DDX1: variants seen among roughly 807,000 people sequenced by gnomAD.
The protein encoded by DDX1 is ATP-dependent RNA helicase DDX1.
Under a neutral mutation model 108.7 loss-of-function variants are expected in DDX1, and 28 were observed. The ratio of observed to expected loss-of-function variants is 0.26; its 90% confidence interval spans 0.19 to 0.35. DDX1 has a LOEUF of 0.35. Among genes scored for constraint, DDX1 ranks in the 10% least tolerant of loss-of-function variants. The pLI is 1.00. For missense variants in DDX1, 710 were observed against 884.5 expected (o/e 0.80, Z 2.50); for synonymous variants, 295 against 288.9 (o/e 1.02, Z -0.21).
rs1022258520 is a variant in DDX1 at position 15,630,981 on chromosome 2, C to T, written c.*75C>T. The T allele has an allele frequency of 1.3e-5, 18 of 1,429,406 alleles. No individual in the cohort carries two copies. The highest frequency in any genetic ancestry group is 1.6e-5 in the Non-Finnish European group (17 of 1,030,372). 88.5% of individuals were successfully genotyped at this position (1,429,406 alleles called of 1,614,324 possible). On this transcript the variant is annotated 3_prime_UTR_variant, in exon 26 of 26. Transcript: ENST00000233084. ...AAACTCTAAAACAGTTGTACTGCTT[C>T]CAAGCAGCAGTATTTATAGTAACGT...
At chr2:15,617,076 T>TG (rs1200258781) in intron 14 of DDX1, among the ~76,000 whole-genome samples, 168 bp from the exon 15 acceptor site, 2 of 151,362 alleles carry the variant, frequency 1.3e-5, no homozygotes, top group African/African-American at 2.4e-5. Flanking sequence ...AAGTATCAGT[T>TG]GAACATATGG....
chr2:15,630,748 A>G lies in DDX1; in HGVS notation c.2093-28A>G, dbSNP rs370131150. The G allele has an allele frequency of 1.4e-5, 22 of 1,596,732 alleles. No homozygotes were observed. The East Asian group carries it at 4.5e-4, about 33-fold the overall frequency. ...AAGTTATTTCAAGCATGTCATTTAC[A>G]TTACTTTGTTATTTGTGTGTGATGC... is the stretch of plus-strand genomic sequence containing the variant. On this transcript the variant is annotated intron_variant, in intron 25 of 25. Transcript: ENST00000233084.
At chr2:15,610,143 GCTGGTCTCGAACTC>G (rs1038521129) in intron 13 of DDX1, among the ~76,000 whole-genome samples, 1 of 152,150 alleles carries the variant, frequency 6.6e-6, no homozygotes, top group Admixed American at 6.5e-5. Context: ...TGTTGTGCAG[GCTGGTCTCGAACTC>G]CTGGCCTCAA....
chr2:15,626,963 G>A (rs942727652), intron 19 of DDX1, 91 bp from the exon 20 acceptor site: 5 of 704,572 alleles, frequency 7.1e-6, no homozygotes, highest in Non-Finnish European at 1.2e-5. Context: ...GAATTGTGTG[G>A]CACTATTGTA....
chr2:15,600,150 T>C (rs1352717534), intron 6 of DDX1, among the ~76,000 whole-genome samples: 1 of 152,172 alleles, frequency 6.6e-6, no homozygotes, highest in Admixed American at 6.5e-5. Flanking sequence ...AAATAGAAAA[T>C]GCAGAAATTA....
chr2:15,617,131 C>T, intron 14 of DDX1, 113 bp from the exon 15 acceptor site: 1 of 424,808 alleles, frequency 2.4e-6, no homozygotes, highest in Admixed American at 3.9e-5. Flanking sequence ...TTAGAGTTGA[C>T]TGACTACTTC....
At chr2:15,611,212 G>A (rs569900515) in intron 13 of DDX1, among the ~76,000 whole-genome samples, 1 of 150,694 alleles carries the variant, frequency 6.6e-6, no homozygotes, top group Non-Finnish European at 1.5e-5. Flanking sequence ...TAAGGTCACA[G>A]ATCAACAGGA....
Position 15,602,647 on chromosome 2 carries a change from C to T in DDX1, c.391+16C>T. The T allele has an allele frequency of 6.4e-7, 1 of 1,556,176 alleles. No homozygotes were observed. Among genetic ancestry groups the T allele is most frequent in the Non-Finnish European group, 8.9e-7 (1 of 1,127,542 alleles). On this transcript the variant is annotated intron_variant, in intron 7 of 25. Coordinates refer to ENST00000233084, the MANE Select transcript of DDX1 (RefSeq NM_004939.3). ...TTAATGAAAGGTATTTGAACAGCAT[C>T]TGCACTTGTATAAACTTTTGAGGCA... is the stretch of plus-strand genomic sequence containing the variant.
At chr2:15,603,580 G>A (rs939300832) in intron 8 of DDX1, among the ~76,000 whole-genome samples, 7 of 152,184 alleles carry the variant, frequency 4.6e-5, no homozygotes, top group Non-Finnish European at 1.5e-5. Flanking sequence ...ACTTGCATCT[G>A]AATTTCTTAG....
In DDX1 at chr2:15,603,890, G is replaced by T; in HGVS notation, c.552G>T (p.Glu184Asp). ...ACAAACAATTTGATAATTATGGAGA[G>T]GTAAGCGATTATGTTATGACTTCAA... ...SHNKQFDNYG[E>D]EFTMHDTIGC... The change falls in exon 9 of 26, where the codon GAG (glutamate) becomes GAT (aspartate). Residue 184 changes from glutamate (E) to aspartate (D), a missense_variant and splice_region_variant. Glu to Asp is a conservative substitution (Grantham distance 45). This residue lies in a region of DDX1 where 661 missense variants were observed against 810.2 expected (regional missense o/e 0.82). Transcript: ENST00000233084. The T allele has an allele frequency of 6.2e-7, 1 of 1,603,826 alleles. No homozygotes were observed. Among genetic ancestry groups the T allele is most frequent in the South Asian group, 1.1e-5 (1 of 89,384 alleles).
chr2:15,630,818 T>C lies in DDX1; in HGVS notation c.2135T>C (p.Val712Ala), dbSNP rs1333901556. The C allele has an allele frequency of 6.2e-7, 1 of 1,614,064 alleles. No homozygotes were observed. Among genetic ancestry groups the C allele is most frequent in the Non-Finnish European group, 8.5e-7 (1 of 1,179,926 alleles). Residue 712 changes from valine (V) to alanine (A), a missense_variant, in exon 26 of 26, where the codon GTT becomes GCT. Transcript: ENST00000233084. ...CATGTGGATATTTTGGCACCTACTG[T>C]TCAAGAGTTGGCTGCCCTTGAAAAG... is the stretch of plus-strand genomic sequence containing the variant. ...KGHVDILAPT[V>A]QELAALEKEA...
intron 16 of DDX1, among the ~76,000 whole-genome samples, chr2:15,619,029 A>C (rs1665945950): frequency 6.6e-6 from 1 of 152,196 alleles, no homozygotes; most frequent in Non-Finnish European, 1.5e-5. Flanking sequence ...CCCCGAGTGC[A>C]GAGATGTCTG....
intron 23 of DDX1, among the ~76,000 whole-genome samples, chr2:15,629,257 T>C (rs753750165): frequency 8.5e-5 from 13 of 152,208 alleles, no homozygotes; most frequent in Non-Finnish European, 1.3e-4. Flanking sequence ...TATTCTCTTA[T>C]ACAAAAGATT....
intron 8 of DDX1, among the ~76,000 whole-genome samples, 180 bp from the exon 9 acceptor site, chr2:15,603,634 C>T (rs1439892323): frequency 6.6e-6 from 1 of 152,212 alleles, no homozygotes; most frequent in African/African-American, 2.4e-5. Flanking sequence ...TGTCCCTAGT[C>T]TCACACACGC....
rs1573054163 is a variant in DDX1 at position 15,630,939 on chromosome 2, GAA to G, written c.*35_*36del. 1 of 1,607,716 alleles carries G rather than the reference GAA, an allele frequency of 6.2e-7. No individual in the cohort carries two copies. Among genetic ancestry groups the G allele is most frequent in the South Asian group, 1.1e-5 (1 of 90,668 alleles). On this transcript the variant is annotated 3_prime_UTR_variant, in exon 26 of 26. Transcript: ENST00000233084. ...ATTTACTGAATAAGATTTGAGTAAT[GAA>G]AGTCTGTAGTCTTAAAACTCTAAAA...
At chr2:15,628,386 T>C in intron 20 of DDX1, 59 bp from the exon 21 acceptor site, 2 of 1,293,848 alleles carry the variant, frequency 1.5e-6, no homozygotes, top group Non-Finnish European at 2.2e-6. Flanking sequence ...ATAGCATTTG[T>C]TTTTATTGTT....
chr2:15,604,013 C>A, intron 9 of DDX1, 123 bp downstream of exon 9: 1 of 635,976 alleles, frequency 1.6e-6, no homozygotes, highest in Non-Finnish European at 2.6e-6. Context: ...GTATATTTTC[C>A]ACAGAAAGTT....
At chr2:15,628,982 C>T in intron 23 of DDX1, 143 bp downstream of exon 23, 1 of 744,802 alleles carries the variant, frequency 1.3e-6, no homozygotes, top group Non-Finnish European at 2.2e-6. Flanking sequence ...ATCTTTTTTC[C>T]TATATTCATT....
At chr2:15,608,116 G>C (rs1665694333) in intron 13 of DDX1, among the ~76,000 whole-genome samples, 1 of 152,098 alleles carries the variant, frequency 6.6e-6, no homozygotes, top group South Asian at 2.1e-4. Context: ...TTTGAAGAAG[G>C]CTATACCATA....
Sources: gnomAD v4.1 joint callset for allele counts (sites outside exome capture counted in the v4.1 genomes callset) on GRCh38, gnomAD v4.1.1 for gene constraint, gnomAD v4.1.1 regional missense constraint, MANE v1.5 for transcripts, NCBI Gene and HGNC (gene_info 2026-07-23, HGNC 2026-07-21) for gene names.